Variants in KAZN observed in about 807,000 individuals in gnomAD.
KAZN encodes kazrin, periplakin interacting protein.
A neutral mutation model predicts 87.4 loss-of-function variants in KAZN; 40 were observed. The observed-to-expected ratio is 0.46, with a 90% CI of 0.36 to 0.60. The LOEUF (loss-of-function observed/expected upper bound fraction) is 0.60. Ranked by LOEUF, KAZN falls within the 20% of genes least tolerant of loss-of-function variation. KAZN has a pLI of 0.00. For missense variants in KAZN, 898 were observed against 1,073.9 expected (o/e 0.84, Z 2.29); for synonymous variants, 466 against 458.3 (o/e 1.02, Z -0.22).
At chr1:14,177,610 A>G (rs956054890) in intron 1 of KAZN, among the ~76,000 whole-genome samples, 1 of 152,154 alleles carries the variant, frequency 6.6e-6, no homozygotes, top group Non-Finnish European at 1.5e-5. Context: ...CCTGGTTTGC[A>G]TAGATTCCGA....
rs199534335 is a variant in KAZN at position 14,334,904 on chromosome 1, CAGAG to C, written c.249+154316_249+154319del. Among the ~76,000 whole-genome samples the C allele has an allele frequency of 7.4e-3, 1,120 of 152,104 alleles. 13 individuals carry two copies. The highest frequency in any genetic ancestry group is 0.026 in the African/African-American group (1,068 of 41,492). On this transcript the variant is annotated intron_variant, in intron 2 of 16. Coordinates refer to the KAZN transcript ENST00000636203. ...AGAGAGAGACAAAAATCCACAAACT[CAGAG>C]AGAAATAGAGAGGAAGACACAGAAA...
chr1:14,469,855 T>C (rs1668358086), intron 2 of KAZN, among the ~76,000 whole-genome samples: 1 of 142,312 alleles, frequency 7.0e-6, no homozygotes, highest in Non-Finnish European at 1.5e-5. Context: ...AGTGACTATT[T>C]GCACTTGCCA....
chr1:14,753,379 A>G (rs980752479), intron 1 of KAZN, among the ~76,000 whole-genome samples: 1 of 152,138 alleles, frequency 6.6e-6, no homozygotes, highest in Non-Finnish European at 1.5e-5. Flanking sequence ...GTGGGGTTTT[A>G]TCTGGGGAGG....
At chr1:14,064,040 C>T (rs973790848) in intron 1 of KAZN, among the ~76,000 whole-genome samples, 7 of 152,168 alleles carry the variant, frequency 4.6e-5, no homozygotes, top group South Asian at 2.1e-4. Flanking sequence ...CTCAGCCTCC[C>T]GAGTAGCTGG....
At chr1:15,020,769 C>T (rs1490463796) in intron 2 of KAZN, among the ~76,000 whole-genome samples, 1 of 152,200 alleles carries the variant, frequency 6.6e-6, no homozygotes, top group Non-Finnish European at 1.5e-5. Flanking sequence ...GCAGGCCTTT[C>T]AGACATATAC....
chr1:14,305,657 C>CTT (rs912078620), intron 2 of KAZN, among the ~76,000 whole-genome samples: 4 of 147,224 alleles, frequency 2.7e-5, no homozygotes, highest in Non-Finnish European at 4.5e-5. Context: ...TCTGCTCTCC[C>CTT]TTTTTTTTTT....
chr1:14,404,114 C>T (rs1229552421), intron 2 of KAZN, among the ~76,000 whole-genome samples: 2 of 152,116 alleles, frequency 1.3e-5, no homozygotes, highest in Admixed American at 6.6e-5. Context: ...TTGCATAACA[C>T]GGGAAGAGGC....
intron 2 of KAZN, among the ~76,000 whole-genome samples, chr1:14,442,268 T>C (rs557954101): frequency 6.6e-6 from 1 of 152,358 alleles, no homozygotes; most frequent in South Asian, 2.1e-4. Flanking sequence ...AATATACTTA[T>C]ACTTTTGACC....
chr1:14,945,374 C>T (rs1661637450), intron 1 of KAZN, among the ~76,000 whole-genome samples: 1 of 152,204 alleles, frequency 6.6e-6, no homozygotes, highest in South Asian at 2.1e-4. Context: ...CGGAAGGGCC[C>T]TCCCCTCTGC....
chr1:14,965,670 TTCTC>T (rs1232729555), intron 2 of KAZN, among the ~76,000 whole-genome samples: 9 of 152,338 alleles, frequency 5.9e-5, no homozygotes, highest in East Asian at 3.9e-4. Flanking sequence ...TCCACTTTTT[TTCTC>T]TCTCTGTCTT....
At chr1:13,932,252 T>C (rs894713795) in intron 1 of KAZN, among the ~76,000 whole-genome samples, 1 of 129,832 alleles carries the variant, frequency 7.7e-6, no homozygotes, top group Non-Finnish European at 1.6e-5. Context: ...TCTCAGCTTA[T>C]TAAACATTTT....
intron 2 of KAZN, among the ~76,000 whole-genome samples, chr1:14,974,770 G>A (rs1340130827): frequency 6.6e-6 from 1 of 152,194 alleles, no homozygotes; most frequent in Non-Finnish European, 1.5e-5. Flanking sequence ...AATCTACAGG[G>A]ACAGAAAGCT....
At chr1:14,779,366 A>C (rs1045232294) in intron 1 of KAZN, among the ~76,000 whole-genome samples, 3 of 152,148 alleles carry the variant, frequency 2.0e-5, no homozygotes, top group African/African-American at 7.2e-5. Flanking sequence ...GCTTTTCTGG[A>C]GCCTGCAGGC....
At chr1:14,211,605 T>A (rs775552869) in intron 2 of KAZN, among the ~76,000 whole-genome samples, 2 of 152,040 alleles carry the variant, frequency 1.3e-5, no homozygotes, top group Non-Finnish European at 2.9e-5. Flanking sequence ...AGAACTAGGG[T>A]CAGTGGTCCT....
chr1:14,277,648 C>T (rs1371279048), intron 2 of KAZN, among the ~76,000 whole-genome samples: 4 of 143,222 alleles, frequency 2.8e-5, no homozygotes, highest in Non-Finnish European at 6.1e-5. Context: ...GGTGACAGAG[C>T]GAGACTCCCT....
At position 14,142,173 on chromosome 1, in the gene KAZN, G is replaced by A. The variant is rs114100200; in HGVS notation, c.92-38262G>A. On this transcript the variant is annotated intron_variant, in intron 1 of 16. Transcript: ENST00000636203. ...AGGTAGGTTTACAGGCTGAACCTAA[G>A]ACCCCAATGTGTCCTTGTCATAAAG... Among the ~76,000 whole-genome samples the A allele has an allele frequency of 7.6e-3, 1,046 of 137,172 alleles. 13 individuals are homozygous for A. The highest frequency in any genetic ancestry group is 0.028 in the African/African-American group (1,018 of 36,514). The allele number at this position is 137,172 out of a possible 152,430, so 90.0% of individuals were successfully genotyped here.
intron 1 of KAZN, among the ~76,000 whole-genome samples, chr1:14,119,935 G>T (rs1195384559): frequency 1.9e-5 from 1 of 52,436 alleles, no homozygotes; most frequent in East Asian, 1.1e-3. Context: ...TATTTGGTGT[G>T]AAAAAGTAGG....
At chr1:15,029,472 G>T (rs1057130149) in intron 2 of KAZN, among the ~76,000 whole-genome samples, 10 of 152,194 alleles carry the variant, frequency 6.6e-5, no homozygotes, top group Non-Finnish European at 2.9e-5. Flanking sequence ...CCCCACCATG[G>T]AGGCAGCCCA....
In KAZN at chr1:14,998,840, G is replaced by A. The variant is rs1007948241; in HGVS notation, c.419-35909G>A. On this transcript the variant is annotated intron_variant, in intron 2 of 14. Transcript: ENST00000376030. Reference sequence around the variant, plus strand: ...GCTGGGATTACAGGCGTGGGCCACCGCACCCAGCCCAACTCCACTTTAGAC... The same window carrying A: ...GCTGGGATTACAGGCGTGGGCCACCACACCCAGCCCAACTCCACTTTAGAC... 2.6e-5 allele frequency among the ~76,000 whole-genome samples: 4 copies of A among 151,984 alleles called. No homozygotes were observed. The East Asian group carries it at 5.8e-4, about 22-fold the overall frequency.
Sources: gnomAD v4.1 joint callset for allele counts (sites outside exome capture counted in the v4.1 genomes callset) on GRCh38, gnomAD v4.1.1 for gene constraint, MANE v1.5 for transcripts, NCBI Gene and HGNC (gene_info 2026-07-23, HGNC 2026-07-21) for gene names.